Variants in SLC43A2 observed in about 807,000 individuals in gnomAD.
SLC43A2 encodes the protein solute carrier family 43 member 2.
In SLC43A2, 38 loss-of-function variants were observed where a neutral mutation model predicts 63.2. The ratio of observed to expected loss-of-function variants is 0.60; its 90% CI spans 0.46 to 0.79. The LOEUF (loss-of-function observed/expected upper bound fraction) is 0.79, where lower values mean the gene tolerates loss of function less well. Among genes scored for constraint, SLC43A2 ranks in the 30% least tolerant of loss-of-function variants. The probability of loss-of-function intolerance (pLI) is 0.00; values close to 1 mark genes in which losing one functional copy is unlikely to be tolerated. For missense variants in SLC43A2, 644 were observed against 756.2 expected (o/e 0.85, Z 1.74); for synonymous variants, 322 against 331.0 (o/e 0.97, Z 0.30).
chr17:1,611,356 C>T lies in SLC43A2; in HGVS notation c.501+1839G>A, dbSNP rs546137513. On this transcript the variant is annotated intron_variant, in intron 5 of 13. Transcript: ENST00000301335. ...GATGAAAGAGCTGCTGGTTTTCGGC[C>T]GAGCGCCGTGGCTCACGCCTGTCAT... 6.6e-5 allele frequency among the ~76,000 whole-genome samples: 10 copies of T among 152,134 alleles called. No individual in the cohort carries two copies. The South Asian group carries it at 1.5e-3, about 22-fold the overall frequency.
intron 5 of SLC43A2, among the ~76,000 whole-genome samples, chr17:1,594,734 CCCG>C (rs1905130018): frequency 6.6e-6 from 1 of 151,152 alleles, no homozygotes; most frequent in Admixed American, 6.6e-5. Context: ...ACTATAGGCG[CCCG>C]CCACCACACC....
At chr17:1,596,482 T>C (rs1211401977) in intron 5 of SLC43A2, among the ~76,000 whole-genome samples, 1 of 152,104 alleles carries the variant, frequency 6.6e-6, no homozygotes, top group Non-Finnish European at 1.5e-5. Context: ...GATCAAGAGC[T>C]TGCATCTAGA....
At position 1,583,895 on chromosome 17, in the gene SLC43A2, G is replaced by A. The variant is rs2076058188; in HGVS notation, c.1218-559C>T. On this transcript the variant is annotated intron_variant, in intron 10 of 13. Coordinates refer to ENST00000301335, the MANE Select transcript of SLC43A2 (RefSeq NM_152346.3). This position sits in a 1 kb window ranked among gnomAD's most constrained non-coding sequence, Gnocchi z 5.5. The stretch of plus-strand genomic sequence containing the variant: ...TTGTTTTGTTTTGTTTTGTTTTTTT[G>A]TTCTTTGGGTTTTTTTTTGAGATGG... Among the ~76,000 whole-genome samples the A allele has an allele frequency of 6.6e-6, 1 of 151,362 alleles. No homozygotes were observed. Among genetic ancestry groups the A allele is most frequent in the South Asian group, 2.1e-4 (1 of 4,806 alleles).
chr17:1,591,724 T>TA, intron 6 of SLC43A2, 25 bp from the exon 7 acceptor site: 1 of 218,410 alleles, frequency 4.6e-6, no homozygotes. Context: ...GGGGACGGGG[T>TA]GGGGGGGGGA....
chr17:1,579,900 T>A (rs1039598935), intron 11 of SLC43A2, among the ~76,000 whole-genome samples: 1 of 151,340 alleles, frequency 6.6e-6, no homozygotes, highest in Non-Finnish European at 1.5e-5. Flanking sequence ...ATTATTTTAC[T>A]TGGTTCACTA....
chr17:1,613,233 C>T lies in SLC43A2; in HGVS notation c.463G>A (p.Gly155Ser). ...AAGGTCATACACATCCCACCAAAGC[C>T]ATTCAGAGCCAGGGCGATGAAGATG... is the stretch of plus-strand genomic sequence containing the variant. ...VLIFIALALN[G>S]FGGMCMTFTS... is the part of the protein sequence containing the mutation. The change falls in exon 5 of 14, where the codon GGC becomes AGC. Residue 155 changes from glycine (G) to serine (S), a missense_variant. Transcript: ENST00000301335. 1 of 1,614,138 alleles carries T rather than the reference C, an allele frequency of 6.2e-7. No individual in the cohort carries two copies. Among genetic ancestry groups the T allele is most frequent in the Non-Finnish European group, 8.5e-7 (1 of 1,180,022 alleles).
chr17:1,613,505 T>G (rs1598484856), intron 4 of SLC43A2, among the ~76,000 whole-genome samples: 1 of 152,062 alleles, frequency 6.6e-6, no homozygotes, highest in African/African-American at 2.4e-5. Context: ...CAGGCTGGAG[T>G]GCAATGGCAC....
At position 1,608,489 on chromosome 17, in the gene SLC43A2, G is replaced by A. The variant is rs567343511; in HGVS notation, c.501+4706C>T. On this transcript the variant is annotated intron_variant, in intron 5 of 13. Coordinates refer to ENST00000301335, the MANE Select transcript of SLC43A2 (RefSeq NM_152346.3). ...GCTCACTGCAACCTCCGCCTCCCGG[G>A]TTCAAGCAATTCTCCCACCTCAGCC... 1.8e-4 allele frequency among the ~76,000 whole-genome samples: 28 copies of A among 152,192 alleles called. 1 individual carries two copies. In the South Asian group the frequency reaches 5.4e-3, roughly 29 times the overall value.
At chr17:1,614,951 A>G (rs200250296) in intron 4 of SLC43A2, 28 bp downstream of exon 4, 24 of 1,612,342 alleles carry the variant, frequency 1.5e-5, no homozygotes, top group Non-Finnish European at 2.0e-5. Flanking sequence ...CCGGTCCCTG[A>G]CAGAAGATGG....
At chr17:1,602,472 C>T (rs1192290517) in intron 5 of SLC43A2, among the ~76,000 whole-genome samples, 1 of 151,962 alleles carries the variant, frequency 6.6e-6, no homozygotes, top group Admixed American at 6.6e-5. Flanking sequence ...ATAGTGAAAC[C>T]TCGTCTTTAC....
At chr17:1,584,580 G>A (rs562514761) in intron 10 of SLC43A2, among the ~76,000 whole-genome samples, 10 of 152,252 alleles carry the variant, frequency 6.6e-5, no homozygotes, top group Admixed American at 3.9e-4. Flanking sequence ...CTGGGAGGCC[G>A]AGGCAAGCGG....
At chr17:1,592,374 C>T (rs775909837) in intron 6 of SLC43A2, among the ~76,000 whole-genome samples, 2 of 152,190 alleles carry the variant, frequency 1.3e-5, no homozygotes, top group Non-Finnish European at 2.9e-5. Context: ...TTGCAGTGAG[C>T]CGAGATCGTG....
intron 5 of SLC43A2, among the ~76,000 whole-genome samples, chr17:1,601,669 A>G (rs1293539108): frequency 6.6e-6 from 1 of 151,910 alleles, no homozygotes; most frequent in Non-Finnish European, 1.5e-5. Flanking sequence ...AAACCAATGC[A>G]AAGGCGCTAC....
intron 11 of SLC43A2, among the ~76,000 whole-genome samples, chr17:1,579,196 C>G (rs1289843339): frequency 4.0e-5 from 6 of 149,786 alleles, no homozygotes; most frequent in African/African-American, 1.5e-4. Context: ...AATGGTGGCT[C>G]ACACCTGTAG....
chr17:1,624,203 G>A (rs113724033), intron 2 of SLC43A2, among the ~76,000 whole-genome samples: 4,743 of 152,330 alleles, frequency 0.031, 277 homozygotes, highest in African/African-American at 0.11. Flanking sequence ...GTGGGAGCCC[G>A]AGGTGGGTGG....
At chr17:1,612,973 A>G (rs7214201) in intron 5 of SLC43A2, among the ~76,000 whole-genome samples, 113,937 of 147,104 alleles carry the variant, frequency 0.77, 44,040 homozygotes, top group East Asian at 0.95. Flanking sequence ...CTCCGTCTCA[A>G]AAAAAAAAAA....
chr17:1,600,155 T>TATATATA (rs1567630935), intron 5 of SLC43A2, among the ~76,000 whole-genome samples: 1 of 97,296 alleles, frequency 1.0e-5, no homozygotes, highest in Non-Finnish European at 2.1e-5. Flanking sequence ...TATATATATT[T>TATATATA]TTTTTTTTTT....
At chr17:1,580,736 T>C (rs1036450067) in intron 11 of SLC43A2, among the ~76,000 whole-genome samples, 2 of 150,788 alleles carry the variant, frequency 1.3e-5, no homozygotes, top group Non-Finnish European at 3.0e-5. Flanking sequence ...TAATTTTTTT[T>C]TTTTTTTTTT....
At chr17:1,621,704 A>G (rs1221485980) in intron 2 of SLC43A2, among the ~76,000 whole-genome samples, 2 of 152,210 alleles carry the variant, frequency 1.3e-5, no homozygotes, top group African/African-American at 2.4e-5. Context: ...GGATACTGTC[A>G]GAGTGTCCCC....
Sources: gnomAD v4.1 joint callset for allele counts (sites outside exome capture counted in the v4.1 genomes callset) on GRCh38, gnomAD v4.1.1 for gene constraint, Gnocchi (gnomAD v3.1) non-coding constraint, MANE v1.5 for transcripts, NCBI Gene and HGNC (gene_info 2026-07-23, HGNC 2026-07-21) for gene names.